The following NOD1 variants were observed in gnomAD, a reference collection of about 807,000 sequenced individuals.
NOD1 encodes the protein nucleotide-binding oligomerization domain-containing protein 1.
Under a neutral mutation model 81.2 loss-of-function variants are expected in NOD1, and 70 were observed. That is an observed-to-expected ratio of 0.86 (90% CI 0.71 to 1.05). The LOEUF (loss-of-function observed/expected upper bound fraction) is 1.05. Among genes scored for constraint, NOD1 ranks in the 50% least tolerant of loss-of-function variants. The pLI is 0.00. For synonymous variants in NOD1, 508 were observed against 526.9 expected (o/e 0.96, Z 0.49); for missense variants, 1,233 against 1,228.0 (o/e 1.00, Z -0.06).
At chr7:30,446,929 G>A in intron 8 of NOD1, 38 bp downstream of exon 8, 1 of 1,507,042 alleles carries the variant, frequency 6.6e-7, no homozygotes, top group Non-Finnish European at 9.2e-7. Context: ...GGGTGATCAA[G>A]AGAATATACT....
intron 1 of NOD1, among the ~76,000 whole-genome samples, chr7:30,462,426 GT>G (rs530513096): frequency 0.023 from 3,127 of 136,250 alleles, 56 homozygotes; most frequent in African/African-American, 0.057. Context: ...GTTCTGATGG[GT>G]TTTTTTTTTT....
Position 30,451,696 on chromosome 7 carries a change from G to A in NOD1, c.1721C>T (p.Ala574Val), listed in dbSNP as rs763816357. The A allele has an allele frequency of 7.4e-6, 12 of 1,613,806 alleles. No homozygotes were observed. The highest frequency in any genetic ancestry group is 4.5e-5 in the East Asian group (2 of 44,890). ...CTTGTTCTTGAAGAGGTCTTCCCGC[G>A]CCGGACCACTGCCCTGCAGGCACTG... ...PFQCLQGSGP[A>V]REDLFKNKDH... The change falls in exon 6 of 14, where the codon GCG becomes GTG. Residue 574 changes from alanine (A) to valine (V), a missense_variant. Ala to Val is a moderately conservative substitution (Grantham distance 64). Transcript: ENST00000222823. This position sits in a 1 kb window ranked among gnomAD's most constrained non-coding sequence, Gnocchi z 4.2.
intron 13 of NOD1, chr7:30,428,384 A>C (rs568456813): frequency 2.2e-4 from 33 of 151,640 alleles, no homozygotes; most frequent in Admixed American, 1.5e-3. Context: ...TTAAAAAAAA[A>C]CCTTTTGTCT....
rs893838237 is a variant in NOD1 at position 30,456,613 on chromosome 7, T to C, written c.201+108A>G. On this transcript the variant is annotated intron_variant, in intron 4 of 13. Transcript: ENST00000222823. The stretch of plus-strand genomic sequence containing the variant: ...CTATTAGTACCCCAAAATGCAGCCC[T>C]GCCCGCTGGACTAAACTCCCACGCT... 87 of 945,292 alleles carry C rather than the reference T, an allele frequency of 9.2e-5. 1 individual carries two copies. The highest frequency in any genetic ancestry group is 2.2e-5 in the Non-Finnish European group (13 of 599,262). The allele number at this position is 945,292 out of a possible 1,614,324, so 58.6% of individuals were successfully genotyped here.
intron 13 of NOD1, 91 bp downstream of exon 13, chr7:30,429,283 C>T: frequency 1.7e-6 from 2 of 1,145,878 alleles, no homozygotes; most frequent in East Asian, 2.3e-5. Flanking sequence ...GAGGAATAAA[C>T]AGAAACCACC....
At chr7:30,445,251 T>C (rs1583707309) in intron 9 of NOD1, among the ~76,000 whole-genome samples, 1 of 101,558 alleles carries the variant, frequency 9.8e-6, no homozygotes, top group Admixed American at 1.2e-4. Flanking sequence ...CCCTAAAACT[T>C]AGAGTATAAT....
chr7:30,453,621 T>C (rs1786033549), intron 5 of NOD1, among the ~76,000 whole-genome samples: 1 of 152,192 alleles, frequency 6.6e-6, no homozygotes, highest in Admixed American at 6.5e-5. Context: ...GGTCTCGCCA[T>C]GTTGCCCAGG....
At chr7:30,449,919 G>A (rs1340673447) in intron 6 of NOD1, among the ~76,000 whole-genome samples, 1 of 152,228 alleles carries the variant, frequency 6.6e-6, no homozygotes, top group Non-Finnish European at 1.5e-5. Flanking sequence ...GGGGTCGGGT[G>A]CGGCGGCTCA....
At chr7:30,436,872 G>A (rs1454720520) in intron 10 of NOD1, among the ~76,000 whole-genome samples, 1 of 152,120 alleles carries the variant, frequency 6.6e-6, no homozygotes, top group East Asian at 1.9e-4. Flanking sequence ...TCCCATTACT[G>A]GGTATTTACC....
chr7:30,450,067 G>A (rs1785526313), intron 6 of NOD1, among the ~76,000 whole-genome samples: 1 of 152,164 alleles, frequency 6.6e-6, no homozygotes. Flanking sequence ...GGTGGCGTGT[G>A]CCTGTAATCC....
intron 6 of NOD1, among the ~76,000 whole-genome samples, chr7:30,448,966 C>A (rs902906763): frequency 2.6e-5 from 4 of 152,326 alleles, no homozygotes; most frequent in Middle Eastern, 3.4e-3. Flanking sequence ...TCAAAGGAGA[C>A]TGCTCATGTC....
At position 30,455,134 on chromosome 7, in the gene NOD1, T is replaced by G. The variant is rs960090506; in HGVS notation, c.376+3A>C. 6.2e-7 allele frequency: 1 copy of G among 1,613,490 alleles called. No homozygotes were observed. The highest frequency in any genetic ancestry group is 1.3e-5 in the African/African-American group (1 of 75,050). ...CTGCGGTCTTGCTGGGGCTGACTCC[T>G]ACCTGGGTCAGTGTTGACCACGACT... On this transcript the variant is annotated splice_donor_region_variant and intron_variant, in intron 5 of 13. Coordinates refer to ENST00000222823, the MANE Select transcript of NOD1 (RefSeq NM_006092.4).
Position 30,456,388 on chromosome 7 carries a change from G to C in NOD1, c.201+333C>G, listed in dbSNP as rs182097260. ...AACAAGCAGCCCTCCAGCCTTCAGA[G>C]GCACTGAATGAACATCGCTGCTGGG... On this transcript the variant is annotated intron_variant, in intron 4 of 13. Transcript: ENST00000222823. Among the ~76,000 whole-genome samples the C allele has an allele frequency of 1.3e-3, 193 of 152,206 alleles. 2 individuals are homozygous for C. Among genetic ancestry groups the C allele is most frequent in the East Asian group, 4.8e-3 (25 of 5,168 alleles).
intron 11 of NOD1, among the ~76,000 whole-genome samples, chr7:30,434,075 G>A (rs1369263243): frequency 6.6e-6 from 1 of 152,234 alleles, no homozygotes; most frequent in East Asian, 1.9e-4. Context: ...GTAGAATGAG[G>A]AGGGAGAAGA....
intron 1 of NOD1, among the ~76,000 whole-genome samples, chr7:30,461,652 A>G (rs1336588637): frequency 1.3e-5 from 2 of 152,244 alleles, no homozygotes; most frequent in Admixed American, 6.5e-5. Context: ...CTCCAGGGCA[A>G]TCACTAAAAG....
chr7:30,469,386 C>T (rs868154570), intron 1 of NOD1, among the ~76,000 whole-genome samples: 1 of 152,142 alleles, frequency 6.6e-6, no homozygotes, highest in South Asian at 2.1e-4. Flanking sequence ...CTCTCTCTCC[C>T]GGCTTCCTTC....
intron 1 of NOD1, among the ~76,000 whole-genome samples, chr7:30,473,633 G>A (rs2128108335): frequency 6.6e-6 from 1 of 152,318 alleles, no homozygotes; most frequent in Middle Eastern, 3.4e-3. Flanking sequence ...GGCGACAGGA[G>A]GAGTGAGCTG....
At chr7:30,471,180 G>A (rs1248753154) in intron 1 of NOD1, among the ~76,000 whole-genome samples, 1 of 151,866 alleles carries the variant, frequency 6.6e-6, no homozygotes, top group Non-Finnish European at 1.5e-5. Context: ...AGCTAAGTGG[G>A]AGAGTACCCA....
At chr7:30,437,542 TGGCCCCTGGA>T (rs1483512294) in intron 10 of NOD1, 21 bp downstream of exon 10, 32 of 1,425,378 alleles carry the variant, frequency 2.2e-5, no homozygotes, top group Non-Finnish European at 2.9e-5. Flanking sequence ...GGGACCAGGT[TGGCCCCTGGA>T]GACAGCAGGG....
Sources: gnomAD v4.1 joint callset for allele counts (sites outside exome capture counted in the v4.1 genomes callset) on GRCh38, gnomAD v4.1.1 for gene constraint, Gnocchi (gnomAD v3.1) non-coding constraint, MANE v1.5 for transcripts, NCBI Gene and HGNC (gene_info 2026-07-23, HGNC 2026-07-21) for gene names.